Variants in FILIP1 observed in about 807,000 individuals in gnomAD.
FILIP1 encodes the protein filamin A interacting protein 1.
In FILIP1, 61 loss-of-function variants were observed where a neutral mutation model predicts 102.1. That is an observed-to-expected ratio of 0.60 (90% CI 0.49 to 0.74). FILIP1 has a LOEUF of 0.74. Ranked by LOEUF, FILIP1 falls within the 30% of genes least tolerant of loss-of-function variation. The pLI, the probability that FILIP1 is intolerant of heterozygous loss-of-function variation, is 0.00. For synonymous variants in FILIP1, 491 were observed against 526.9 expected, an observed-to-expected ratio of 0.93 and a Z score of 0.93; for missense variants, 1,314 against 1,441.2, an observed-to-expected ratio of 0.91 and a Z score of 1.43.
chr6:75,302,640 C>G lies in FILIP1; in HGVS notation c.3493+6200G>C, dbSNP rs139253351. Among the ~76,000 whole-genome samples the G allele has an allele frequency of 1.2e-4, 18 of 152,182 alleles. No individual in the cohort carries two copies. In the East Asian group the frequency reaches 2.7e-3, roughly 23 times the overall value. The stretch of plus-strand genomic sequence containing the variant: ...GTCAAGGAAGGGTGGCATGGCCTGA[C>G]AGTCAAGCAATTATTTAAGCCTGGA... On this transcript the variant is annotated intron_variant, in intron 6 of 6. Transcript: ENST00000393004.
chr6:75,388,810 G>A (rs1776185522), intron 2 of FILIP1, among the ~76,000 whole-genome samples: 1 of 152,178 alleles, frequency 6.6e-6, no homozygotes, highest in Admixed American at 6.5e-5. Flanking sequence ...ATACAATCAT[G>A]TCATCTGCAG....
At chr6:75,321,319 A>C (rs527796076) in intron 4 of FILIP1, among the ~76,000 whole-genome samples, 21 of 152,256 alleles carry the variant, frequency 1.4e-4, no homozygotes, top group Middle Eastern at 6.8e-3. Context: ...CCTTGGGTCT[A>C]TTGGGAAGAA....
intron 2 of FILIP1, among the ~76,000 whole-genome samples, chr6:75,370,393 T>C (rs902389492): frequency 2.6e-5 from 4 of 152,116 alleles, no homozygotes; most frequent in African/African-American, 9.7e-5. Flanking sequence ...AAATATTTGC[T>C]GAAATAAATA....
At chr6:75,319,980 T>C (rs1037975340) in intron 4 of FILIP1, 2 of 360,588 alleles carry the variant, frequency 5.5e-6, no homozygotes. Context: ...CCATTGCCCA[T>C]GTTTAGTTAT....
intron 1 of FILIP1, among the ~76,000 whole-genome samples, chr6:75,481,888 G>T (rs1376409083): frequency 6.6e-6 from 1 of 152,002 alleles, no homozygotes; most frequent in African/African-American, 2.4e-5. Context: ...AAAAGTGTCT[G>T]GAAAGAGAAA....
chr6:75,385,475 TTGAC>T (rs1430979339), intron 2 of FILIP1, among the ~76,000 whole-genome samples: 5 of 152,214 alleles, frequency 3.3e-5, no homozygotes, highest in Non-Finnish European at 7.3e-5. Flanking sequence ...TCACTGATAT[TTGAC>T]TGTGTATTCA....
chr6:75,369,354 C>A (rs1040343361), intron 2 of FILIP1, among the ~76,000 whole-genome samples: 1 of 152,160 alleles, frequency 6.6e-6, no homozygotes, highest in Non-Finnish European at 1.5e-5. Flanking sequence ...CAAACCAGGA[C>A]AAGTTGGTCA....
exon 7 of FILIP1, chr6:75,293,719 C>G (rs992713926): frequency 6.6e-6 from 1 of 152,130 alleles, no homozygotes; most frequent in Non-Finnish European, 1.5e-5. Flanking sequence ...AACATTTTCA[C>G]TATTAGTATA....
chr6:75,460,159 C>T lies in FILIP1; in HGVS notation c.-7+33255G>A, dbSNP rs139830387. Among the ~76,000 whole-genome samples the T allele has an allele frequency of 1.8e-3, 275 of 152,292 alleles. 1 individual carries two copies. Among genetic ancestry groups the T allele is most frequent in the Non-Finnish European group, 2.7e-3 (183 of 68,026 alleles). On this transcript the variant is annotated intron_variant, in intron 1 of 5. Transcript: ENST00000237172. ...TCTAAGGATTCTTTGGTTGGAACTC[C>T]TTCAGGAATTTAGTGCGGTCTCCAC... is the stretch of plus-strand genomic sequence containing the variant.
chr6:75,447,506 A>G (rs931159042), intron 1 of FILIP1, among the ~76,000 whole-genome samples: 1 of 152,162 alleles, frequency 6.6e-6, no homozygotes, highest in African/African-American at 2.4e-5. Flanking sequence ...AATGCTCTTC[A>G]TCCATGGATT....
chr6:75,375,316 G>C (rs1359063889), intron 2 of FILIP1, among the ~76,000 whole-genome samples: 5 of 152,234 alleles, frequency 3.3e-5, no homozygotes, highest in African/African-American at 1.2e-4. Context: ...TCTCAGTATA[G>C]ACATCAGCCT....
At chr6:75,420,571 T>C (rs1777427385) in intron 1 of FILIP1, among the ~76,000 whole-genome samples, 2 of 152,188 alleles carry the variant, frequency 1.3e-5, no homozygotes, top group South Asian at 4.1e-4. Flanking sequence ...ATTTCCAGTC[T>C]TACCTTTCAA....
intron 1 of FILIP1, among the ~76,000 whole-genome samples, chr6:75,420,930 C>T (rs1777442053): frequency 6.6e-6 from 1 of 152,110 alleles, no homozygotes; most frequent in African/African-American, 2.4e-5. Context: ...TAACATTTTA[C>T]ATATTAGAAT....
intron 2 of FILIP1, 148 bp downstream of exon 2, chr6:75,414,549 G>T: frequency 1.3e-6 from 1 of 759,222 alleles, no homozygotes; most frequent in East Asian, 2.5e-5. Flanking sequence ...GTGCAAACTT[G>T]TGCCAGGCAC....
In FILIP1 at chr6:75,331,699, G is replaced by A. The variant is rs17187977; in HGVS notation, c.630-16497C>T. The stretch of plus-strand genomic sequence containing the variant: ...CTGGAAAGATCTCCTTCCTTTCTAT[G>A]GAATCAGTGCCATGCTGCGACTCTA... On this transcript the variant is annotated intron_variant, in intron 4 of 5. Coordinates refer to ENST00000237172, the MANE Select transcript of FILIP1 (RefSeq NM_015687.5). Among the ~76,000 whole-genome samples, 1,434 of 152,204 alleles carry A rather than the reference G, an allele frequency of 9.4e-3. 13 individuals are homozygous for A. Among genetic ancestry groups the A allele is most frequent in the Non-Finnish European group, 0.016 (1,059 of 68,010 alleles).
chr6:75,366,425 A>C (rs955884829), intron 2 of FILIP1, among the ~76,000 whole-genome samples: 3 of 152,180 alleles, frequency 2.0e-5, no homozygotes, highest in Non-Finnish European at 2.9e-5. Flanking sequence ...ATAGGAATAA[A>C]ATTTTTATCA....
At chr6:75,461,259 A>G (rs923662598) in intron 1 of FILIP1, among the ~76,000 whole-genome samples, 1 of 152,202 alleles carries the variant, frequency 6.6e-6, no homozygotes, top group African/African-American at 2.4e-5. Flanking sequence ...AGTTTTACAA[A>G]CAAGGAATCC....
chr6:75,313,212 T>A lies in FILIP1; in HGVS notation c.2620A>T (p.Arg874Ter). ...ATGGAGGGGCCGTTTTCCCTCTTTC[T>A]CATCCATGGAATCCAAGACTTTCTC... ...TMRKSWIPWMRKRENGPSITQ... is the reference protein window; with the variant it reads ...TMRKSWIPWM Residue 874 changes from arginine (R) to a stop codon, truncating the protein, a stop_gained, in exon 5 of 6, where the codon AGA becomes TGA. Coordinates refer to ENST00000237172, the MANE Select transcript of FILIP1 (RefSeq NM_015687.5). LOFTEE classifies it high-confidence loss of function. This position sits in a 1 kb window ranked among gnomAD's most constrained non-coding sequence, Gnocchi z 4.2. 1 of 1,614,144 alleles carries A rather than the reference T, an allele frequency of 6.2e-7. No homozygotes were observed. The highest frequency in any genetic ancestry group is 8.5e-7 in the Non-Finnish European group (1 of 1,180,016).
chr6:75,453,845 G>T (rs1778723644), intron 1 of FILIP1: 1 of 413,380 alleles, frequency 2.4e-6, no homozygotes, highest in Non-Finnish European at 4.8e-6. Flanking sequence ...AAATCTAGTG[G>T]CAAAGCCTGG....
Sources: allele counts gnomAD v4.1 joint callset (sites outside exome capture counted in the v4.1 genomes callset), GRCh38; gene constraint gnomAD v4.1.1; non-coding constraint Gnocchi (gnomAD v3.1); transcripts MANE v1.5; gene names NCBI Gene and HGNC (gene_info 2026-07-23, HGNC 2026-07-21).